Variants in IQCM observed in about 807,000 individuals in gnomAD.
The protein encoded by IQCM is IQ motif containing M.
IQCM carries 45 observed loss-of-function variants against 57.6 expected under a neutral mutation model. The observed-to-expected ratio is 0.78, with a 90% CI of 0.62 to 1.00. The LOEUF (loss-of-function observed/expected upper bound fraction) is 1.00, where lower values mean the gene tolerates loss of function less well. Ranked by LOEUF, IQCM falls within the 50% of genes least tolerant of loss-of-function variation. The pLI is 0.00. For synonymous variants in IQCM, 148 were observed against 158.9 expected, an observed-to-expected ratio of 0.93 and a Z score of 0.51; for missense variants, 468 against 511.6, an observed-to-expected ratio of 0.91 and a Z score of 0.82.
intron 2 of IQCM, among the ~76,000 whole-genome samples, chr4:149,813,916 C>G (rs1337966031): frequency 6.6e-6 from 1 of 152,004 alleles, no homozygotes; most frequent in East Asian, 1.9e-4. Flanking sequence ...CTGCTCTGAC[C>G]CATTTAGAAC....
intron 5 of IQCM, among the ~76,000 whole-genome samples, chr4:149,687,504 T>G (rs932515259): frequency 6.6e-6 from 1 of 151,576 alleles, no homozygotes; most frequent in African/African-American, 2.4e-5. Context: ...TTATAAGTAA[T>G]CTAGAGATGA....
rs1182889807 is a variant in IQCM at position 149,374,341 on chromosome 4, A to G, written c.1391-22275T>C. ...CTGGGTTTTGACTGATACAGTATTC[A>G]TTGTTTAAACTGCATTAGTGCTGCC... On this transcript the variant is annotated intron_variant, in intron 13 of 13. Transcript: ENST00000636793. Among the ~76,000 whole-genome samples, 6 of 152,088 alleles carry G rather than the reference A, an allele frequency of 3.9e-5. No homozygotes were observed. In the East Asian group the frequency reaches 1.2e-3, roughly 29 times the overall value.
chr4:149,386,595 CTG>C (rs1238753089), intron 13 of IQCM, among the ~76,000 whole-genome samples: 1 of 152,142 alleles, frequency 6.6e-6, no homozygotes, highest in African/African-American at 2.4e-5. Flanking sequence ...ATATTCAAAA[CTG>C]TTCATTTGTC....
chr4:149,790,220 A>G (rs1772464816), intron 2 of IQCM: 2 of 312,062 alleles, frequency 6.4e-6, no homozygotes, highest in Non-Finnish European at 1.2e-5. Flanking sequence ...AAACTTGCAG[A>G]ACAATAATGA....
chr4:149,472,651 C>A (rs1443906150), intron 12 of IQCM, among the ~76,000 whole-genome samples: 1 of 152,096 alleles, frequency 6.6e-6, no homozygotes, highest in African/African-American at 2.4e-5. Flanking sequence ...CAAAAAAGAG[C>A]CCGCATTGCC....
intron 12 of IQCM, among the ~76,000 whole-genome samples, chr4:149,456,134 T>A (rs1357036224): frequency 6.6e-6 from 1 of 152,014 alleles, no homozygotes; most frequent in Non-Finnish European, 1.5e-5. Flanking sequence ...TGTTCAGAAA[T>A]GAAGACCCAA....
chr4:149,721,753 C>T (rs962295192), intron 5 of IQCM, among the ~76,000 whole-genome samples: 12 of 152,048 alleles, frequency 7.9e-5, no homozygotes, highest in African/African-American at 2.7e-4. Flanking sequence ...ATGATAAACA[C>T]GTGCATGTAG....
chr4:149,506,110 A>G (rs1338285829), intron 12 of IQCM, among the ~76,000 whole-genome samples: 2 of 152,012 alleles, frequency 1.3e-5, no homozygotes, highest in South Asian at 2.1e-4. Flanking sequence ...TCCTCTTTCT[A>G]CTAGTGGAGT....
intron 12 of IQCM, among the ~76,000 whole-genome samples, chr4:149,515,322 A>G (rs1744844387): frequency 6.6e-6 from 1 of 152,012 alleles, no homozygotes; most frequent in Non-Finnish European, 1.5e-5. Context: ...ACCCATCTAG[A>G]CCCATAAAGT....
At chr4:149,609,021 G>GCC (rs1465774399) in intron 8 of IQCM, among the ~76,000 whole-genome samples, 1 of 151,496 alleles carries the variant, frequency 6.6e-6, no homozygotes, top group African/African-American at 2.4e-5. Context: ...AACAAAGACA[G>GCC]AAGACCCAAA....
intron 8 of IQCM, among the ~76,000 whole-genome samples, chr4:149,608,564 C>T (rs1036676379): frequency 1.3e-5 from 2 of 151,700 alleles, no homozygotes; most frequent in Non-Finnish European, 3.0e-5. Flanking sequence ...ATATGAAGTA[C>T]CTTTTCTAAC....
At chr4:149,531,382 T>C (rs1746732133) in intron 12 of IQCM, among the ~76,000 whole-genome samples, 1 of 152,200 alleles carries the variant, frequency 6.6e-6, no homozygotes, top group Non-Finnish European at 1.5e-5. Context: ...AAACTCTGTA[T>C]GTTTCAACCT....
chr4:149,490,143 A>G (rs1199891362), intron 12 of IQCM, among the ~76,000 whole-genome samples: 1 of 151,984 alleles, frequency 6.6e-6, no homozygotes, highest in African/African-American at 2.4e-5. Flanking sequence ...GAAAAAAGTC[A>G]AAGTACTAAA....
At chr4:149,517,913 T>A (rs981805574) in intron 12 of IQCM, among the ~76,000 whole-genome samples, 2 of 152,172 alleles carry the variant, frequency 1.3e-5, no homozygotes, top group African/African-American at 4.8e-5. Flanking sequence ...TTGTGGGACC[T>A]TGTGATTGTG....
intron 12 of IQCM, among the ~76,000 whole-genome samples, chr4:149,510,335 T>C (rs898878007): frequency 2.0e-5 from 3 of 152,192 alleles, no homozygotes; most frequent in African/African-American, 2.4e-5. Context: ...GTTTCTCTTA[T>C]CAATTTAAAG....
chr4:149,750,358 G>T (rs1316301036), intron 2 of IQCM, among the ~76,000 whole-genome samples: 1 of 152,090 alleles, frequency 6.6e-6, no homozygotes, highest in Non-Finnish European at 1.5e-5. Context: ...CAGAGGTGGG[G>T]GTAATAGAGT....
At chr4:149,705,075 G>A (rs916454622) in intron 5 of IQCM, among the ~76,000 whole-genome samples, 21 of 150,648 alleles carry the variant, frequency 1.4e-4, no homozygotes, top group Non-Finnish European at 2.5e-4. Flanking sequence ...ACAGCATATG[G>A]TGGGACTTCT....
At chr4:149,740,085 C>A (rs772061376) in intron 3 of IQCM, among the ~76,000 whole-genome samples, 1 of 152,142 alleles carries the variant, frequency 6.6e-6, no homozygotes, top group South Asian at 2.1e-4. Context: ...CTTTTCATAA[C>A]GATAATAAAA....
intron 2 of IQCM, among the ~76,000 whole-genome samples, chr4:149,747,597 A>G (rs1768047929): frequency 6.6e-6 from 1 of 152,238 alleles, no homozygotes; most frequent in Admixed American, 6.5e-5. Flanking sequence ...CCACGGATAC[A>G]GAGGTCCAAC....
Sources: allele counts gnomAD v4.1 joint callset (sites outside exome capture counted in the v4.1 genomes callset), GRCh38; gene constraint gnomAD v4.1.1; transcripts MANE v1.5; gene names NCBI Gene and HGNC (gene_info 2026-07-23, HGNC 2026-07-21).